Variants in NRG4 observed in about 807,000 individuals in gnomAD.
The protein encoded by NRG4 is neuregulin 4.
NRG4 carries 10 observed loss-of-function variants against 15.0 expected under a neutral mutation model. The ratio of observed to expected loss-of-function variants is 0.67; its 90% CI spans 0.41 to 1.13. The LOEUF is 1.13. NRG4 is among the 50% of genes most tolerant of loss of function. The pLI is 0.00. For missense variants in NRG4, 139 were observed against 140.2 expected, an observed-to-expected ratio of 0.99 and a Z score of 0.04; for synonymous variants, 41 against 50.1, an observed-to-expected ratio of 0.82 and a Z score of 0.77.
chr15:76,033,580 G>T (rs1299379126), intron 5 of NRG4, among the ~76,000 whole-genome samples: 1 of 152,150 alleles, frequency 6.6e-6, no homozygotes, highest in East Asian at 1.9e-4. Context: ...AACAAATATG[G>T]ATAAATTTCT....
At chr15:76,018,173 A>G (rs779180967) in intron 5 of NRG4, among the ~76,000 whole-genome samples, 1 of 152,152 alleles carries the variant, frequency 6.6e-6, no homozygotes. Flanking sequence ...TTTTCAGCTC[A>G]ATCAGGTCAC....
chr15:75,988,964 C>T (rs1232404034), intron 3 of NRG4, among the ~76,000 whole-genome samples: 1 of 149,388 alleles, frequency 6.7e-6, no homozygotes, highest in Non-Finnish European at 1.5e-5. Flanking sequence ...CTCAAGTGAT[C>T]CTCCCATCTC....
At chr15:76,056,495 A>G (rs1398104265) in intron 2 of NRG4, among the ~76,000 whole-genome samples, 2 of 151,794 alleles carry the variant, frequency 1.3e-5, no homozygotes, top group Non-Finnish European at 2.9e-5. Context: ...ATAAAATTAA[A>G]TTAAAAAATA....
At chr15:76,004,618 T>A (rs1298389223) in intron 3 of NRG4, among the ~76,000 whole-genome samples, 55 of 144,596 alleles carry the variant, frequency 3.8e-4, no homozygotes, top group Non-Finnish European at 7.4e-4. Flanking sequence ...AAAAAAAAAA[T>A]TTTTTTTTAC....
intron 5 of NRG4, among the ~76,000 whole-genome samples, chr15:76,021,369 T>G (rs2035148437): frequency 6.6e-6 from 1 of 152,252 alleles, no homozygotes; most frequent in African/African-American, 2.4e-5. Flanking sequence ...ATACATTATT[T>G]TTTAGACATA....
intron 5 of NRG4, among the ~76,000 whole-genome samples, chr15:76,018,766 C>T (rs1470146007): frequency 6.6e-6 from 1 of 152,184 alleles, no homozygotes; most frequent in Non-Finnish European, 1.5e-5. Context: ...TGTCTGTTGA[C>T]CCCTACTGGG....
chr15:76,042,889 C>A (rs1400713556), intron 4 of NRG4, among the ~76,000 whole-genome samples: 1 of 152,014 alleles, frequency 6.6e-6, no homozygotes, highest in Admixed American at 6.6e-5. Flanking sequence ...CGGGTTAACA[C>A]TCATGCAAAA....
chr15:76,003,655 A>G (rs559163583), intron 3 of NRG4, among the ~76,000 whole-genome samples: 1 of 152,350 alleles, frequency 6.6e-6, no homozygotes, highest in Admixed American at 6.5e-5. Context: ...CAAACTTGTA[A>G]AAGCCAAAGA....
chr15:76,054,578 A>T (rs1221279977), intron 2 of NRG4, among the ~76,000 whole-genome samples: 2 of 152,022 alleles, frequency 1.3e-5, no homozygotes, highest in Non-Finnish European at 2.9e-5. Flanking sequence ...CCACGCTCAG[A>T]TAATTTTTGT....
intron 5 of NRG4, among the ~76,000 whole-genome samples, chr15:75,953,742 G>A (rs908622520): frequency 3.3e-5 from 5 of 152,134 alleles, no homozygotes; most frequent in African/African-American, 1.2e-4. Context: ...ACTCAGGCTG[G>A]AGTGCAGGGG....
intron 3 of NRG4, among the ~76,000 whole-genome samples, chr15:75,972,053 T>C (rs1393281731): frequency 1.3e-5 from 2 of 152,338 alleles, no homozygotes; most frequent in Non-Finnish European, 1.5e-5. Flanking sequence ...TTTTTAATGA[T>C]TGTCATTCTA....
At chr15:76,018,224 C>T (rs1162365045) in intron 5 of NRG4, among the ~76,000 whole-genome samples, 1 of 152,090 alleles carries the variant, frequency 6.6e-6, no homozygotes, top group Non-Finnish European at 1.5e-5. Context: ...TTAGTAATTC[C>T]TCTAACCTTT....
At chr15:75,947,204 T>C (rs145844309) in intron 5 of NRG4, among the ~76,000 whole-genome samples, 2 of 152,190 alleles carry the variant, frequency 1.3e-5, no homozygotes, top group Non-Finnish European at 1.5e-5. Context: ...TCATTATAAT[T>C]GTAAAAAACA....
At chr15:76,000,815 G>C (rs2034387053) in intron 3 of NRG4, among the ~76,000 whole-genome samples, 1 of 151,868 alleles carries the variant, frequency 6.6e-6, no homozygotes, top group Admixed American at 6.6e-5. Context: ...AATACATGAT[G>C]GTATATTCAC....
At chr15:76,017,340 T>G (rs989540695), upstream of NRG4, among the ~76,000 whole-genome samples, 5 of 152,214 alleles carry the variant, frequency 3.3e-5, no homozygotes, top group African/African-American at 1.2e-4. Flanking sequence ...CCTGTTTACA[T>G]TGAAGATTAA....
chr15:76,005,528 A>C (rs1035733480), intron 3 of NRG4, among the ~76,000 whole-genome samples: 2 of 151,732 alleles, frequency 1.3e-5, no homozygotes, highest in Admixed American at 1.3e-4. Context: ...TGTACTAAAA[A>C]CACAAAATTT....
chr15:75,987,349 C>T (rs2141863015), intron 3 of NRG4, among the ~76,000 whole-genome samples: 1 of 152,252 alleles, frequency 6.6e-6, no homozygotes, highest in Middle Eastern at 3.4e-3. Context: ...TGGTATGAAC[C>T]AGCAACTTAT....
In NRG4 at chr15:76,011,250, C is replaced by A; in HGVS notation, c.-20G>T. The A allele has an allele frequency of 6.9e-7, 1 of 1,446,218 alleles. No individual in the cohort carries two copies. Among genetic ancestry groups the A allele is most frequent in the Non-Finnish European group, 9.2e-7 (1 of 1,091,404 alleles). 89.6% of individuals were successfully genotyped at this position (1,446,218 alleles called of 1,614,324 possible). A position where few individuals can be genotyped will look rare whatever the true frequency, so the allele number is the denominator to read the frequency against. On this transcript the variant is annotated 5_prime_UTR_variant, in exon 2 of 6. An upstream start codon of the reference 5' UTR is lost. Coordinates refer to ENST00000394907, the MANE Select transcript of NRG4 (RefSeq NM_138573.4). ...TGGCATCTTAATTTGTAAATAGTTTCATTCTTGGTCAAGAGAGTAGGGTTG... is the reference window on the plus strand; with the variant it reads ...TGGCATCTTAATTTGTAAATAGTTTAATTCTTGGTCAAGAGAGTAGGGTTG...
intron 3 of NRG4, among the ~76,000 whole-genome samples, chr15:76,008,018 G>A (rs917138988): frequency 6.6e-6 from 1 of 152,166 alleles, no homozygotes; most frequent in Non-Finnish European, 1.5e-5. Flanking sequence ...AATTTGGGGG[G>A]ATTATCTATG....
Sources: allele counts gnomAD v4.1 joint callset (sites outside exome capture counted in the v4.1 genomes callset), GRCh38; gene constraint gnomAD v4.1.1; transcripts MANE v1.5; gene names NCBI Gene and HGNC (gene_info 2026-07-23, HGNC 2026-07-21).